Variants in ARID1B observed in about 807,000 individuals in gnomAD.
The protein encoded by ARID1B is AT-rich interaction domain 1B.
In ARID1B, 30 loss-of-function variants were observed where a neutral mutation model predicts 212.3. The ratio of observed to expected loss-of-function variants is 0.14; its 90% CI spans 0.11 to 0.19. The LOEUF (loss-of-function observed/expected upper bound fraction) is 0.19, where lower values mean the gene tolerates loss of function less well. ARID1B is among the 10% of genes least tolerant of loss of function. The pLI is 1.00. For missense variants in ARID1B, 2,891 were observed against 3,204.0 expected, an observed-to-expected ratio of 0.90 and a Z score of 2.36; for synonymous variants, 1,402 against 1,301.7, an observed-to-expected ratio of 1.08 and a Z score of -1.66.
chr6:157,085,038 C>T, intron 5 of ARID1B, 133 bp downstream of exon 5: 1 of 1,172,206 alleles, frequency 8.5e-7, no homozygotes, highest in Non-Finnish European at 1.2e-6. Context: ...GAATTCTCAC[C>T]AAGGCATACG....
chr6:156,848,315 C>CTAAAATTACTA (rs1784359582), intron 2 of ARID1B, among the ~76,000 whole-genome samples: 1 of 152,216 alleles, frequency 6.6e-6, no homozygotes, highest in African/African-American at 2.4e-5. Flanking sequence ...AAAACAACAA[C>CTAAAATTACTA]AGCAAACTGT....
intron 4 of ARID1B, among the ~76,000 whole-genome samples, chr6:157,056,912 A>T (rs1782995391): frequency 6.6e-6 from 1 of 151,070 alleles, no homozygotes; most frequent in African/African-American, 2.4e-5. Flanking sequence ...TTTTTAAATA[A>T]GTTTAAGTTC....
intron 7 of ARID1B, among the ~76,000 whole-genome samples, chr6:157,134,808 C>T (rs990554590): frequency 3.9e-5 from 6 of 152,190 alleles, no homozygotes; most frequent in Admixed American, 6.5e-5. Flanking sequence ...ACAGAAAATG[C>T]GGGCTTTTGC....
At chr6:157,198,464 C>G (rs1038512694) in intron 16 of ARID1B, 1 of 251,194 alleles carries the variant, frequency 4.0e-6, no homozygotes, top group African/African-American at 2.2e-5. Context: ...TACGACACTT[C>G]CTAAGGTACA....
In ARID1B at chr6:156,883,549, G is replaced by A. The variant is rs117962755; in HGVS notation, c.1987-17827G>A. 1.1e-3 allele frequency among the ~76,000 whole-genome samples: 172 copies of A among 152,024 alleles called. 1 individual carries two copies. Among genetic ancestry groups the A allele is most frequent in the East Asian group, 7.0e-3 (36 of 5,164 alleles). On this transcript the variant is annotated intron_variant, in intron 2 of 19. Transcript: ENST00000636930. ...TCCTCTGGACGTGCTGCCTCTGAAC[G>A]CCATGTCTTCCATGCTTTCCTCTCC...
chr6:156,806,687 C>T (rs1171541021), intron 1 of ARID1B, among the ~76,000 whole-genome samples: 1 of 152,182 alleles, frequency 6.6e-6, no homozygotes, highest in Non-Finnish European at 1.5e-5. Flanking sequence ...TGACCCAAAT[C>T]TGAGCTTTTG....
chr6:156,917,108 C>A (rs554092555), intron 3 of ARID1B, among the ~76,000 whole-genome samples: 42 of 152,208 alleles, frequency 2.8e-4, no homozygotes, highest in Non-Finnish European at 4.7e-4. Flanking sequence ...AGAGTTGTAG[C>A]AAGTAACCCT....
intron 2 of ARID1B, among the ~76,000 whole-genome samples, chr6:156,891,100 G>T (rs917895836): frequency 6.6e-6 from 1 of 152,164 alleles, no homozygotes; most frequent in Admixed American, 6.5e-5. Flanking sequence ...TTTTTGACTG[G>T]ACATGTTGAC....
chr6:156,969,614 T>A (rs981185631), intron 4 of ARID1B, among the ~76,000 whole-genome samples: 3 of 152,248 alleles, frequency 2.0e-5, no homozygotes, highest in Admixed American at 6.5e-5. Context: ...ATATCTGTAG[T>A]TACCCAAGAG....
In ARID1B at chr6:157,083,893, G is replaced by A. The variant is rs139543527; in HGVS notation, c.2248-769G>A. 1.1e-4 allele frequency among the ~76,000 whole-genome samples: 16 copies of A among 152,242 alleles called. No homozygotes were observed. In the East Asian group the frequency reaches 3.1e-3, roughly 29 times the overall value. ...TCATGCCAGTAATCCCAGCACTTTG[G>A]GAGGCTGCGGCAGGCAGATTGCCTG... On this transcript the variant is annotated intron_variant, in intron 4 of 19. Coordinates refer to ENST00000636930, the MANE Select transcript of ARID1B (RefSeq NM_001374828.1).
At chr6:156,880,108 A>G (rs976849468) in intron 2 of ARID1B, among the ~76,000 whole-genome samples, 1 of 152,184 alleles carries the variant, frequency 6.6e-6, no homozygotes, top group Non-Finnish European at 1.5e-5. Context: ...CTGCAGGCCA[A>G]TGTCAATGAA....
intron 6 of ARID1B, among the ~76,000 whole-genome samples, chr6:157,122,880 C>T (rs1270158819): frequency 6.6e-6 from 1 of 152,062 alleles, no homozygotes; most frequent in Non-Finnish European, 1.5e-5. Flanking sequence ...CCGGGTTTCA[C>T]CATGTTGGCC....
chr6:156,932,392 A>G (rs572406855), intron 3 of ARID1B, among the ~76,000 whole-genome samples: 342 of 125,616 alleles, frequency 2.7e-3, no homozygotes, highest in Non-Finnish European at 4.7e-3. Context: ...GTTCTTGTGC[A>G]TTGCAGTATT....
chr6:156,842,261 G>A (rs576154612), intron 2 of ARID1B, among the ~76,000 whole-genome samples: 10 of 152,274 alleles, frequency 6.6e-5, no homozygotes, highest in East Asian at 1.9e-4. Context: ...GATTCATTAC[G>A]TAGTTACTCT....
chr6:156,778,178 G>GCACCAC lies in ARID1B; in HGVS notation c.510_515dup (p.His171_His172dup), dbSNP rs752012879. 11 of 1,540,308 alleles carry GCACCAC rather than the reference G, an allele frequency of 7.1e-6. No individual in the cohort carries two copies. Among genetic ancestry groups the GCACCAC allele is most frequent in the East Asian group, 2.5e-5 (1 of 40,772 alleles). ...CCCCCGCCGCGCCGCCCCACCAGCA[G>GCACCAC]CACCACCACCACCACCATGCCCACC... On this transcript the variant is annotated inframe_insertion, in exon 1 of 20. Transcript: ENST00000636930.
intron 4 of ARID1B, among the ~76,000 whole-genome samples, chr6:157,052,109 C>G (rs992556249): frequency 6.6e-6 from 1 of 152,060 alleles, no homozygotes; most frequent in African/African-American, 2.4e-5. Flanking sequence ...CAAGTAATGA[C>G]GTAGGAAAAT....
At chr6:156,806,601 T>C (rs1395243913) in intron 1 of ARID1B, among the ~76,000 whole-genome samples, 1 of 152,232 alleles carries the variant, frequency 6.6e-6, no homozygotes, top group Non-Finnish European at 1.5e-5. Context: ...TTGGTTAATA[T>C]CCCTGTTTCG....
At chr6:156,934,960 A>G (rs1250396817) in intron 3 of ARID1B, among the ~76,000 whole-genome samples, 8 of 77,140 alleles carry the variant, frequency 1.0e-4, no homozygotes, top group Non-Finnish European at 2.1e-4. Context: ...ATATATATAT[A>G]TAGTTTATAT....
intron 4 of ARID1B, chr6:156,943,024 T>C (rs1013266494): frequency 3.9e-5 from 6 of 152,222 alleles, no homozygotes; most frequent in African/African-American, 1.4e-4. Flanking sequence ...CAATTTTTAA[T>C]GTTAACTGTC....
Sources: gnomAD v4.1 joint callset for allele counts (sites outside exome capture counted in the v4.1 genomes callset) on GRCh38, gnomAD v4.1.1 for gene constraint, MANE v1.5 for transcripts, NCBI Gene and HGNC (gene_info 2026-07-23, HGNC 2026-07-21) for gene names.